The following DOCK3 variants were observed in gnomAD, a reference collection of about 807,000 sequenced individuals.
DOCK3 encodes the protein dedicator of cytokinesis protein 3.
Under a neutral mutation model 265.6 loss-of-function variants are expected in DOCK3, and 60 were observed. The ratio of observed to expected loss-of-function variants is 0.23; its 90% CI spans 0.18 to 0.28. The LOEUF is 0.28. DOCK3 is among the 10% of genes least tolerant of loss of function. The probability of loss-of-function intolerance (pLI) is 1.00; values close to 1 mark genes in which losing one functional copy is unlikely to be tolerated. For synonymous variants in DOCK3, 881 were observed against 938.0 expected (o/e 0.94, Z 1.11); for missense variants, 1,981 against 2,594.3 (o/e 0.76, Z 5.14).
intron 9 of DOCK3, among the ~76,000 whole-genome samples, chr3:51,098,444 A>G (rs552432251): frequency 6.6e-6 from 1 of 152,330 alleles, no homozygotes; most frequent in African/African-American, 2.4e-5. Flanking sequence ...AGTTGCTTCT[A>G]TAATTGAAAT....
At chr3:50,879,133 A>G (rs2047885403) in intron 3 of DOCK3, among the ~76,000 whole-genome samples, 1 of 152,226 alleles carries the variant, frequency 6.6e-6, no homozygotes, top group African/African-American at 2.4e-5. Context: ...AGGAAGCACT[A>G]AACATGGAAA....
intron 22 of DOCK3, among the ~76,000 whole-genome samples, chr3:51,248,275 A>G (rs2078932715): frequency 6.6e-6 from 1 of 152,268 alleles, no homozygotes; most frequent in African/African-American, 2.4e-5. Context: ...GTGAGACTCC[A>G]TCTTAAAAAG....
At chr3:50,749,232 C>A (rs919399110) in intron 1 of DOCK3, among the ~76,000 whole-genome samples, 1 of 152,148 alleles carries the variant, frequency 6.6e-6, no homozygotes, top group Non-Finnish European at 1.5e-5. Context: ...TGTTTTGCTT[C>A]CCTAGCCTGG....
chr3:50,850,708 T>C (rs2046317405), intron 3 of DOCK3, among the ~76,000 whole-genome samples: 1 of 152,164 alleles, frequency 6.6e-6, no homozygotes, highest in South Asian at 2.1e-4. Flanking sequence ...CCTCTCTCCT[T>C]CTCCTCAGGA....
chr3:50,765,107 A>G, intron 1 of DOCK3, among the ~76,000 whole-genome samples: 1 of 109,710 alleles, frequency 9.1e-6, no homozygotes, highest in Non-Finnish European at 1.7e-5. Flanking sequence ...TTTGAGACAG[A>G]GTCTCGCTTT....
chr3:51,113,202 A>C (rs2083594687), intron 9 of DOCK3, among the ~76,000 whole-genome samples: 1 of 152,162 alleles, frequency 6.6e-6, no homozygotes, highest in South Asian at 2.1e-4. Context: ...TATAACTGGC[A>C]TGAGGTAAAT....
intron 51 of DOCK3, chr3:51,379,341 A>G (rs2088412989): frequency 1.0e-6 from 1 of 960,198 alleles, no homozygotes; most frequent in Non-Finnish European, 1.2e-6. Context: ...CATGCCCCAC[A>G]TGTGTGCTGG....
intron 10 of DOCK3, among the ~76,000 whole-genome samples, chr3:51,157,392 C>T (rs142052369): frequency 3.4e-4 from 52 of 151,526 alleles, no homozygotes; most frequent in African/African-American, 1.2e-3. Flanking sequence ...ATTACAAGTG[C>T]GTGCCGCCAC....
chr3:51,274,900 C>T (rs767508228), intron 24 of DOCK3, among the ~76,000 whole-genome samples, 179 bp from the exon 25 acceptor site: 9 of 152,124 alleles, frequency 5.9e-5, no homozygotes, highest in Non-Finnish European at 4.4e-5. Flanking sequence ...CATGTGATGG[C>T]TTATAATCTC....
intron 5 of DOCK3, among the ~76,000 whole-genome samples, chr3:50,994,216 T>C (rs539037179): frequency 2.6e-5 from 4 of 152,260 alleles, no homozygotes; most frequent in African/African-American, 9.6e-5. Flanking sequence ...ACTTACTGCA[T>C]GTAGTTGGTA....
rs761200807 is a variant in DOCK3, at chr3:51,275,220, A to G, written c.2676+14A>G. ...ACCAGCTCTCTGGTAGTGGCCCCAC[A>G]CCCACTCCACCCTGTTCAGCTCTTC... is the stretch of plus-strand genomic sequence containing the variant. On this transcript the variant is annotated intron_variant, in intron 25 of 52. Transcript: ENST00000266037. The G allele has an allele frequency of 1.9e-6, 3 of 1,613,550 alleles. No individual in the cohort carries two copies. Among genetic ancestry groups the G allele is most frequent in the Non-Finnish European group, 2.5e-6 (3 of 1,179,802 alleles).
At chr3:50,711,749 TATTA>T (rs2036787233) in intron 1 of DOCK3, among the ~76,000 whole-genome samples, 1 of 152,182 alleles carries the variant, frequency 6.6e-6, no homozygotes, top group Non-Finnish European at 1.5e-5. Flanking sequence ...GAAGGATTGA[TATTA>T]ATTATTTGAA....
chr3:51,317,636 A>G (rs1305050166), intron 32 of DOCK3, among the ~76,000 whole-genome samples: 1 of 148,448 alleles, frequency 6.7e-6, no homozygotes, highest in Non-Finnish European at 1.5e-5. Context: ...ATATTTAAAA[A>G]TTGCTAAAAG....
At chr3:50,837,896 G>A (rs1390044809) in intron 2 of DOCK3, among the ~76,000 whole-genome samples, 1 of 152,200 alleles carries the variant, frequency 6.6e-6, no homozygotes, top group Non-Finnish European at 1.5e-5. Flanking sequence ...GGCTGCAGTG[G>A]ATGGATGGGA....
chr3:51,310,602 C>T (rs1383607696), intron 28 of DOCK3, among the ~76,000 whole-genome samples: 2 of 152,198 alleles, frequency 1.3e-5, no homozygotes, highest in Admixed American at 6.5e-5. Flanking sequence ...CTCTGCTGCC[C>T]TATAGGTTTG....
rs1414377506 is a variant in DOCK3 at position 51,356,268 on chromosome 3, A to C, written c.4416+13A>C. On this transcript the variant is annotated intron_variant, in intron 42 of 52. Transcript: ENST00000266037. ...GAATGAATTCAAGGTGAACAAATCT[A>C]GGAAAACGGGCAGTACACACAGCAA... The C allele has an allele frequency of 6.8e-7, 1 of 1,467,404 alleles. No individual in the cohort carries two copies. Among genetic ancestry groups the C allele is most frequent in the Admixed American group, 2.2e-5 (1 of 45,202 alleles). The allele number at this position is 1,467,404 out of a possible 1,614,324, so 90.9% of individuals were successfully genotyped here.
intron 12 of DOCK3, among the ~76,000 whole-genome samples, chr3:51,189,570 A>C (rs576102439): frequency 2.0e-5 from 3 of 152,232 alleles, no homozygotes; most frequent in South Asian, 4.1e-4. Flanking sequence ...GCTCTATCCA[A>C]GTTTCTGCAA....
intron 5 of DOCK3, among the ~76,000 whole-genome samples, chr3:51,004,075 G>A (rs2078577760): frequency 1.3e-5 from 2 of 152,162 alleles, no homozygotes; most frequent in East Asian, 3.9e-4. Context: ...TTGAGTGTGG[G>A]CTTGATGTAA....
intron 1 of DOCK3, among the ~76,000 whole-genome samples, chr3:50,746,028 TTCTTTCAGTCTATG>T (rs2039413186): frequency 6.6e-6 from 1 of 152,196 alleles, no homozygotes; most frequent in South Asian, 2.1e-4. Context: ...TGCAAAGATT[TTCTTTCAGTCTATG>T]TCTTATGTTT....
Sources: gnomAD v4.1 joint callset for allele counts (sites outside exome capture counted in the v4.1 genomes callset) on GRCh38, gnomAD v4.1.1 for gene constraint, MANE v1.5 for transcripts, NCBI Gene and HGNC (gene_info 2026-07-23, HGNC 2026-07-21) for gene names.